Variants in NELL1 observed in about 807,000 individuals in gnomAD.
NELL1 encodes protein kinase C-binding protein NELL1.
NELL1 carries 76 observed loss-of-function variants against 107.4 expected under a neutral mutation model. That is an observed-to-expected ratio of 0.71 (90% CI 0.59 to 0.86). The LOEUF (loss-of-function observed/expected upper bound fraction) is 0.86. Among genes scored for constraint, NELL1 ranks in the 40% least tolerant of loss-of-function variants. The probability of loss-of-function intolerance (pLI) is 0.00; values close to 1 mark genes in which losing one functional copy is unlikely to be tolerated. For synonymous variants in NELL1, 353 were observed against 341.2 expected, an observed-to-expected ratio of 1.03 and a Z score of -0.38; for missense variants, 1,024 against 1,005.5, an observed-to-expected ratio of 1.02 and a Z score of -0.25.
intron 12 of NELL1, among the ~76,000 whole-genome samples, chr11:21,085,119 G>T (rs1048054005): frequency 6.6e-6 from 1 of 152,084 alleles, no homozygotes; most frequent in Non-Finnish European, 1.5e-5. Context: ...GTGTTTACAT[G>T]TTTAGCTATT....
Position 20,918,235 on chromosome 11 carries a change from G to C in NELL1, c.657G>C (p.Gln219His), listed in dbSNP as rs957460898. 1 of 1,587,374 alleles carries C rather than the reference G, an allele frequency of 6.3e-7. No individual in the cohort carries two copies. Among genetic ancestry groups the C allele is most frequent in the African/African-American group, 1.4e-5 (1 of 73,942 alleles). ...TTATGCCGAATGGATATATAACACA[G>C]TGTCCAAATCTAAATCACAGTAAGT... ...IIFMPNGYITQCPNLNHTCPT... is the reference protein window; with the variant it reads ...IIFMPNGYITHCPNLNHTCPT... The change falls in exon 6 of 20, where the codon CAG becomes CAC. Residue 219 changes from glutamine (Q) to histidine (H), a missense_variant. Transcript: ENST00000357134.
intron 13 of NELL1, among the ~76,000 whole-genome samples, chr11:21,176,887 G>C (rs1856724308): frequency 1.3e-5 from 2 of 151,504 alleles, no homozygotes; most frequent in Non-Finnish European, 2.9e-5. Flanking sequence ...TGATGTTAAG[G>C]GATGTTAATG....
intron 14 of NELL1, among the ~76,000 whole-genome samples, chr11:21,274,264 T>C (rs1275870350): frequency 6.6e-6 from 1 of 152,110 alleles, no homozygotes; most frequent in Non-Finnish European, 1.5e-5. Context: ...TAGTCTCTGA[T>C]AAAACAGACT....
intron 14 of NELL1, among the ~76,000 whole-genome samples, chr11:21,332,629 A>T (rs1319662521): frequency 6.6e-6 from 1 of 151,974 alleles, no homozygotes; most frequent in Non-Finnish European, 1.5e-5. Context: ...CCTGTCTTTG[A>T]TTTTTGTGGC....
intron 15 of NELL1, among the ~76,000 whole-genome samples, chr11:21,418,833 A>G (rs1477369103): frequency 6.6e-6 from 1 of 152,114 alleles, no homozygotes; most frequent in Non-Finnish European, 1.5e-5. Context: ...AATACAGACC[A>G]TTCCTTATGT....
At chr11:21,007,114 A>C (rs968730253) in intron 12 of NELL1, among the ~76,000 whole-genome samples, 1 of 152,094 alleles carries the variant, frequency 6.6e-6, no homozygotes, top group African/African-American at 2.4e-5. Flanking sequence ...GAAGGATTCT[A>C]TTCCAGACTT....
intron 4 of NELL1, among the ~76,000 whole-genome samples, chr11:20,859,272 T>A (rs1002166781): frequency 6.6e-6 from 1 of 152,220 alleles, no homozygotes; most frequent in Non-Finnish European, 1.5e-5. Context: ...CACCTTGTTA[T>A]AAATTCCAAG....
intron 12 of NELL1, among the ~76,000 whole-genome samples, chr11:21,060,321 GTTGTGATTA>G (rs1417257999): frequency 6.6e-6 from 1 of 152,144 alleles, no homozygotes; most frequent in African/African-American, 2.4e-5. Context: ...TCATAGGATT[GTTGTGATTA>G]TTAAATCAAA....
chr11:20,865,200 G>A (rs866281787), intron 4 of NELL1, among the ~76,000 whole-genome samples: 1 of 152,120 alleles, frequency 6.6e-6, no homozygotes. Context: ...AGATGAAGAC[G>A]AATACAACTT....
intron 15 of NELL1, among the ~76,000 whole-genome samples, chr11:21,517,587 C>T (rs2133951649): frequency 6.6e-6 from 1 of 152,238 alleles, no homozygotes; most frequent in Non-Finnish European, 1.5e-5. Context: ...CATGTCAATC[C>T]TCTGTGCCTC....
intron 3 of NELL1, among the ~76,000 whole-genome samples, chr11:20,812,069 G>A (rs1857512427): frequency 1.3e-5 from 2 of 152,072 alleles, no homozygotes; most frequent in Non-Finnish European, 2.9e-5. Flanking sequence ...TATTAGCTGT[G>A]AATTTGTTAT....
intron 13 of NELL1, among the ~76,000 whole-genome samples, chr11:21,181,091 G>A (rs1260973788): frequency 6.6e-6 from 1 of 151,780 alleles, no homozygotes; most frequent in African/African-American, 2.4e-5. Context: ...TCCCTGCAAG[G>A]TAACATAGCA....
intron 4 of NELL1, among the ~76,000 whole-genome samples, chr11:20,859,815 G>A (rs533696878): frequency 0.16 from 2,126 of 13,536 alleles, 35 homozygotes; most frequent in African/African-American, 0.2. Context: ...GGAGGTAGGC[G>A]AACATATTGA....
At chr11:20,777,726 T>C (rs933476266) in intron 2 of NELL1, among the ~76,000 whole-genome samples, 1 of 152,218 alleles carries the variant, frequency 6.6e-6, no homozygotes, top group Admixed American at 6.5e-5. Flanking sequence ...CCTGTCTATA[T>C]CAGGAGTTTG....
intron 2 of NELL1, among the ~76,000 whole-genome samples, chr11:20,725,085 G>A (rs1051854845): frequency 2.0e-5 from 3 of 152,142 alleles, no homozygotes; most frequent in African/African-American, 7.2e-5. Context: ...CTCAACATGT[G>A]GGGATTATAA....
At chr11:20,915,037 C>T (rs1850215160) in intron 5 of NELL1, among the ~76,000 whole-genome samples, 2 of 151,894 alleles carry the variant, frequency 1.3e-5, no homozygotes, top group South Asian at 4.1e-4. Context: ...TAATTTGATG[C>T]TTTAGAATAT....
intron 12 of NELL1, among the ~76,000 whole-genome samples, chr11:20,966,602 G>C (rs1013920598): frequency 6.6e-6 from 1 of 151,926 alleles, no homozygotes; most frequent in African/African-American, 2.4e-5. Context: ...CAGTACCCAG[G>C]TATCTGTCAA....
At position 20,916,770 on chromosome 11, in the gene NELL1, T is replaced by A. The variant is rs371327542; in HGVS notation, c.604-1412T>A. On this transcript the variant is annotated intron_variant, in intron 5 of 19. Transcript: ENST00000357134. ...ATTATTATTATTATTTGAAAAGTAA[T>A]GAAAGCATAGATGTCTAAAATGTGA... Among the ~76,000 whole-genome samples, 179 of 152,050 alleles carry A rather than the reference T, an allele frequency of 1.2e-3. 1 individual carries two copies. The highest frequency in any genetic ancestry group is 4.0e-3 in the African/African-American group (168 of 41,534).
chr11:21,308,417 G>T (rs1356640595), intron 14 of NELL1, among the ~76,000 whole-genome samples: 1 of 151,982 alleles, frequency 6.6e-6, no homozygotes, highest in African/African-American at 2.4e-5. Flanking sequence ...GACTCCTCTG[G>T]ACTGTAAGAC....
Sources: gnomAD v4.1 joint callset for allele counts (sites outside exome capture counted in the v4.1 genomes callset) on GRCh38, gnomAD v4.1.1 for gene constraint, MANE v1.5 for transcripts, NCBI Gene and HGNC (gene_info 2026-07-23, HGNC 2026-07-21) for gene names.